The following CDH23 variants were observed in gnomAD, a reference collection of about 807,000 sequenced individuals.
The protein encoded by CDH23 is cadherin-23.
A neutral mutation model predicts 317.1 loss-of-function variants in CDH23; 189 were observed. That is an observed-to-expected ratio of 0.60 (90% CI 0.53 to 0.67). The LOEUF (loss-of-function observed/expected upper bound fraction) is 0.67, where lower values mean the gene tolerates loss of function less well. Among genes scored for constraint, CDH23 ranks in the 30% least tolerant of loss-of-function variants. The pLI is 0.00. For synonymous variants in CDH23, 1,839 were observed against 1,876.8 expected, an observed-to-expected ratio of 0.98 and a Z score of 0.52; for missense variants, 4,401 against 4,592.4, an observed-to-expected ratio of 0.96 and a Z score of 1.20.
intron 11 of CDH23, among the ~76,000 whole-genome samples, 198 bp from the exon 12 acceptor site, chr10:71,643,663 A>G (rs1862681681): frequency 6.6e-6 from 1 of 151,966 alleles, no homozygotes; most frequent in Admixed American, 6.6e-5. Flanking sequence ...CACTCACACA[A>G]TACGCCTCCT....
At chr10:71,723,885 A>ACACGTCCCCTTGTCTCC (rs1336205003) in intron 28 of CDH23, among the ~76,000 whole-genome samples, 160 bp from the exon 29 acceptor site, 2 of 152,104 alleles carry the variant, frequency 1.3e-5, no homozygotes, top group Non-Finnish European at 2.9e-5. Context: ...AGAAAGACAT[A>ACACGTCCCCTTGTCTCC]CACGTCCCCT....
chr10:71,443,982 A>G (rs1458264100), intron 2 of CDH23, among the ~76,000 whole-genome samples: 2 of 152,244 alleles, frequency 1.3e-5, no homozygotes, highest in Admixed American at 6.5e-5. Context: ...AGTAAAATTT[A>G]GAAATGAACG....
rs367912333 is a variant in CDH23, at chr10:71,811,385, G to T, written c.9148G>T (p.Val3050Leu). Residue 3050 changes from valine to leucine, a missense_variant, in exon 63 of 70, where the codon GTG (valine) becomes TTG (leucine). Val to Leu is a conservative substitution (Grantham distance 32). Transcript: ENST00000224721. ...TTTCCGGAACTACAACGTCCTGGACGTGCAGCCTGCCATCTCTGTCCGGCT... is the reference window on the plus strand; with the variant it reads ...TTTCCGGAACTACAACGTCCTGGACTTGCAGCCTGCCATCTCTGTCCGGCT... ...NLFRNYNVLDVQPAISVRLPD... is the reference protein window; with the variant it reads ...NLFRNYNVLDLQPAISVRLPD... The T allele has an allele frequency of 1.4e-5, 22 of 1,613,906 alleles. 1 individual carries two copies. In the Admixed American group the frequency reaches 2.2e-4, roughly 16 times the overall value.
rs528144311 is a variant in CDH23 at position 71,480,969 on chromosome 10, A to G, written c.146-29113A>G. Among the ~76,000 whole-genome samples, 4 of 152,240 alleles carry G rather than the reference A, an allele frequency of 2.6e-5. No individual in the cohort carries two copies. In the South Asian group the frequency reaches 8.3e-4, roughly 32 times the overall value. On this transcript the variant is annotated intron_variant, in intron 3 of 69. Coordinates refer to ENST00000224721, the MANE Select transcript of CDH23 (RefSeq NM_022124.6). ...CCCTTCGGAGGAAAATGGAAGTTCCATTTTAGACTTGCTGGCTTTGGGTAT... is the reference window on the plus strand; with the variant it reads ...CCCTTCGGAGGAAAATGGAAGTTCCGTTTTAGACTTGCTGGCTTTGGGTAT...
Position 71,734,316 on chromosome 10 carries a change from G to A in CDH23, c.4181G>A (p.Gly1394Asp), listed in dbSNP as rs1161981728. The A allele has an allele frequency of 5.0e-6, 8 of 1,611,142 alleles. No homozygotes were observed. The highest frequency in any genetic ancestry group is 6.8e-6 in the Non-Finnish European group (8 of 1,178,708). Residue 1394 changes from glycine to aspartate, a missense_variant, in exon 33 of 70, where the codon GGC becomes GAC. Gly to Asp is a moderately conservative substitution (Grantham distance 94). Coordinates refer to ENST00000224721, the MANE Select transcript of CDH23 (RefSeq NM_022124.6). ...FYTLTVVADD[G>D]GPKVDSTVKV... is the part of the protein sequence containing the mutation. ...ACCTTGACAGTGGTGGCAGATGACG[G>A]CGGCCCCAAGGTGGACTCCACCGTG...
chr10:71,534,383 G>A (rs923937804), intron 6 of CDH23, among the ~76,000 whole-genome samples: 6 of 152,146 alleles, frequency 3.9e-5, no homozygotes, highest in South Asian at 4.1e-4. Flanking sequence ...CCACCACAGC[G>A]CTATCACTGC....
intron 3 of CDH23, among the ~76,000 whole-genome samples, chr10:71,447,582 G>T (rs1438621572): frequency 6.6e-6 from 1 of 152,154 alleles, no homozygotes. Flanking sequence ...GTGGAAAACG[G>T]CTACTCCTTT....
intron 11 of CDH23, among the ~76,000 whole-genome samples, chr10:71,625,148 C>A (rs968647399): frequency 1.5e-4 from 23 of 152,062 alleles, no homozygotes; most frequent in African/African-American, 5.5e-4. Flanking sequence ...CGCACCCCCA[C>A]TGGGGGCCGC....
At chr10:71,430,916 A>G (rs1410861408) in intron 1 of CDH23, among the ~76,000 whole-genome samples, 1 of 152,240 alleles carries the variant, frequency 6.6e-6, no homozygotes, top group Non-Finnish European at 1.5e-5. Flanking sequence ...GCAACTCCGT[A>G]TGTACTGAAA....
intron 1 of CDH23, among the ~76,000 whole-genome samples, chr10:71,409,791 A>G (rs915945851): frequency 6.6e-6 from 1 of 152,142 alleles, no homozygotes; most frequent in Non-Finnish European, 1.5e-5. Flanking sequence ...GCCCAGTCCC[A>G]TGGGCTGGGG....
intron 9 of CDH23, among the ~76,000 whole-genome samples, chr10:71,579,619 C>T (rs544843571): frequency 1.3e-5 from 2 of 152,278 alleles, no homozygotes; most frequent in African/African-American, 4.8e-5. Flanking sequence ...TCACAGCACC[C>T]CAGGCAGCTC....
At chr10:71,729,493 C>A (rs1839281435) in intron 30 of CDH23, among the ~76,000 whole-genome samples, 1 of 152,202 alleles carries the variant, frequency 6.6e-6, no homozygotes, top group African/African-American at 2.4e-5. Flanking sequence ...GCCCATCAAT[C>A]ATTGGCTCAG....
intron 1 of CDH23, among the ~76,000 whole-genome samples, chr10:71,403,372 TTTCTTTC>T (rs1847895019): frequency 8.8e-6 from 1 of 114,258 alleles, no homozygotes; most frequent in Non-Finnish European, 1.7e-5. Context: ...TCTTTCTTTC[TTTCTTTC>T]TTTCTTTCTT....
chr10:71,544,580 G>C (rs142561452), intron 6 of CDH23, among the ~76,000 whole-genome samples: 1 of 152,196 alleles, frequency 6.6e-6, no homozygotes, highest in Non-Finnish European at 1.5e-5. Context: ...AGGGTTAACC[G>C]GTTAGTGACC....
In CDH23 at chr10:71,573,935, G is replaced by A. The variant is rs61853873; in HGVS notation, c.753+3017G>A. 5.3e-3 allele frequency among the ~76,000 whole-genome samples: 809 copies of A among 152,296 alleles called. 2 individuals carry two copies. The highest frequency in any genetic ancestry group is 8.9e-3 in the Non-Finnish European group (608 of 68,012). On this transcript the variant is annotated intron_variant, in intron 8 of 69. Transcript: ENST00000224721. Reference sequence around the variant, plus strand: ...TTGCAGAGCCTCTCTCCTGCAGGCCGATTCCCTTGCACTGCCAGCCTGATC... The same window carrying A: ...TTGCAGAGCCTCTCTCCTGCAGGCCAATTCCCTTGCACTGCCAGCCTGATC...
At chr10:71,546,193 G>A (rs1856269706) in intron 6 of CDH23, among the ~76,000 whole-genome samples, 2 of 152,038 alleles carry the variant, frequency 1.3e-5, no homozygotes, top group Non-Finnish European at 2.9e-5. Flanking sequence ...TGCTGGTCAT[G>A]GTCTCCTTAC....
intron 6 of CDH23, among the ~76,000 whole-genome samples, chr10:71,527,995 G>C (rs896178556): frequency 2.0e-5 from 3 of 152,106 alleles, no homozygotes; most frequent in African/African-American, 7.2e-5. Context: ...CTGGGCCTCA[G>C]TTTACCCATC....
chr10:71,799,196 G>T lies in CDH23; in HGVS notation c.7140G>T (p.Pro2380=), dbSNP rs770747021. Residue 2380 remains proline (P), a synonymous_variant, in exon 51 of 70, where the codon CCG becomes CCT. Coordinates refer to ENST00000224721, the MANE Select transcript of CDH23 (RefSeq NM_022124.6). ...FTVRASDNGS[P]PRAAEIPVYL... ...TGAGGGCCTCAGACAACGGGTCCCC[G>T]CCCCGGGCAGCTGAGATCCCTGTCT... 2 of 1,614,036 alleles carry T rather than the reference G, an allele frequency of 1.2e-6. No individual in the cohort carries two copies. The highest frequency in any genetic ancestry group is 1.7e-6 in the Non-Finnish European group (2 of 1,179,890).
intron 14 of CDH23, among the ~76,000 whole-genome samples, chr10:71,664,322 G>C (rs2132640248): frequency 6.6e-6 from 1 of 152,316 alleles, no homozygotes; most frequent in South Asian, 2.1e-4. Flanking sequence ...TAAAATAAAG[G>C]GAAATAAGGA....
Sources: allele counts gnomAD v4.1 joint callset (sites outside exome capture counted in the v4.1 genomes callset), GRCh38; gene constraint gnomAD v4.1.1; transcripts MANE v1.5; gene names NCBI Gene and HGNC (gene_info 2026-07-23, HGNC 2026-07-21).